Variants in BEND3 observed in about 807,000 individuals in gnomAD.
The protein encoded by BEND3 is BEN domain containing 3.
In BEND3, 13 loss-of-function variants were observed where a neutral mutation model predicts 60.1. The observed-to-expected ratio is 0.22, with a 90% confidence interval of 0.14 to 0.34. The LOEUF (loss-of-function observed/expected upper bound fraction) is 0.34, where lower values mean the gene tolerates loss of function less well. BEND3 is among the 10% of genes least tolerant of loss of function. BEND3 has a pLI of 1.00. For synonymous variants in BEND3, 497 were observed against 491.5 expected, an observed-to-expected ratio of 1.01 and a Z score of -0.15; for missense variants, 896 against 1,138.1, an observed-to-expected ratio of 0.79 and a Z score of 3.06.
At position 107,066,335 on chromosome 6, in the gene BEND3, T is replaced by C. The variant is rs552547688; in HGVS notation, c.*2369A>G. ...GACAGGGCAAGGACCTGCAGGCGTTTCCTGACGACAGTCCAGAGATGGTGA... is the reference window on the plus strand; with the variant it reads ...GACAGGGCAAGGACCTGCAGGCGTTCCCTGACGACAGTCCAGAGATGGTGA... On this transcript the variant is annotated 3_prime_UTR_variant, in exon 4 of 4. Coordinates refer to ENST00000369042, the MANE Select transcript of BEND3 (RefSeq NM_001367314.1). 7.9e-5 allele frequency: 12 copies of C among 152,532 alleles called. No homozygotes were observed. The highest frequency in any genetic ancestry group is 2.9e-4 in the African/African-American group (12 of 41,546). 9.4% of individuals were successfully genotyped at this position (152,532 alleles called of 1,614,324 possible). A position where few individuals can be genotyped will look rare whatever the true frequency, so the allele number is the denominator to read the frequency against.
intron 3 of BEND3, among the ~76,000 whole-genome samples, chr6:107,096,708 T>C (rs1775592879): frequency 6.6e-6 from 1 of 152,126 alleles, no homozygotes; most frequent in Non-Finnish European, 1.5e-5. Context: ...GCTGGAAAAG[T>C]AGGGAATGAG....
intron 3 of BEND3, among the ~76,000 whole-genome samples, chr6:107,074,823 C>T (rs1364403183): frequency 6.6e-6 from 1 of 152,102 alleles, no homozygotes; most frequent in Admixed American, 6.5e-5. Flanking sequence ...AGGGAGGAGC[C>T]GGGCACGGTG....
rs782364587 is a variant in BEND3, at chr6:107,070,358, A to T, written c.833T>A (p.Leu278His). 5.0e-6 allele frequency: 8 copies of T among 1,613,380 alleles called. No individual in the cohort carries two copies. In the African/African-American group the frequency reaches 6.7e-5, roughly 13 times the overall value. Residue 278 changes from leucine to histidine, a missense_variant, in exon 4 of 4, where the codon CTC becomes CAC. Transcript: ENST00000369042. The surrounding 1 kb of genome is among the most constrained non-coding windows in gnomAD (Gnocchi z 6.9). ...CCGGGAGAAGTCCACGTCGCTGAAG[A>T]GCTCGGGGAAGAGCTGCACCAGCAA... ...CRLLVQLFPELFSDVDFSRGC... is the reference protein window; with the variant it reads ...CRLLVQLFPEHFSDVDFSRGC...
At chr6:107,107,634 T>C (rs1329237715) in intron 1 of BEND3, among the ~76,000 whole-genome samples, 1 of 152,140 alleles carries the variant, frequency 6.6e-6, no homozygotes, top group Non-Finnish European at 1.5e-5. Flanking sequence ...GATTAATTTC[T>C]GTATTTTCAG....
At chr6:107,107,616 CCAT>C (rs1775847051) in intron 1 of BEND3, among the ~76,000 whole-genome samples, 1 of 152,124 alleles carries the variant, frequency 6.6e-6, no homozygotes, top group African/African-American at 2.4e-5. Flanking sequence ...GTGGGCACCA[CCAT>C]GCCTGATTAA....
Position 107,070,189 on chromosome 6 carries a change from G to C in BEND3, c.1002C>G (p.Asp334Glu). Residue 334 changes from aspartate (D) to glutamate (E), a missense_variant, in exon 4 of 4, where the codon GAC becomes GAG. Transcript: ENST00000369042. This position sits in a 1 kb window ranked among gnomAD's most constrained non-coding sequence, Gnocchi z 6.9. ...GCTGGGCCCAGAAGCGGCTGAAGAA[G>C]TCGTTCAGCTGGGGCAGGCACTCGG... ...WQAECLPQLN[D>E]FFSRFWAQRE... 6.2e-7 allele frequency: 1 copy of C among 1,612,862 alleles called. No individual in the cohort carries two copies. Among genetic ancestry groups the C allele is most frequent in the Non-Finnish European group, 8.5e-7 (1 of 1,179,910 alleles).
At chr6:107,080,680 G>A (rs539426641) in intron 3 of BEND3, among the ~76,000 whole-genome samples, 3 of 152,026 alleles carry the variant, frequency 2.0e-5, no homozygotes, top group South Asian at 4.2e-4. Context: ...TCAGGAGTTC[G>A]AGATCAGCCT....
chr6:107,076,780 G>T (rs899589224), intron 3 of BEND3, among the ~76,000 whole-genome samples: 1 of 152,082 alleles, frequency 6.6e-6, no homozygotes, highest in Non-Finnish European at 1.5e-5. Context: ...AATCACAGTC[G>T]CATGAATGAT....
intron 3 of BEND3, among the ~76,000 whole-genome samples, chr6:107,091,065 G>A (rs577363103): frequency 9.3e-5 from 14 of 151,242 alleles, no homozygotes; most frequent in South Asian, 4.2e-4. Context: ...AGCCAAGATC[G>A]CACCACTGCA....
At chr6:107,098,878 T>C in intron 2 of BEND3, 125 bp from the exon 3 acceptor site, 3 of 730,028 alleles carry the variant, frequency 4.1e-6, no homozygotes, top group Admixed American at 2.6e-5. Context: ...TAATGATGTC[T>C]AGTTGTAACA....
intron 3 of BEND3, among the ~76,000 whole-genome samples, chr6:107,097,758 CCAGCCTGGGCAAGAA>C (rs1182266559): frequency 4.6e-4 from 62 of 133,806 alleles, no homozygotes; most frequent in Non-Finnish European, 1.2e-4. Flanking sequence ...CCACTGCACT[CCAGCCTGGGCAAGAA>C]CAGCAAAACT....
At chr6:107,105,574 G>A (rs545893102) in intron 1 of BEND3, among the ~76,000 whole-genome samples, 1 of 152,244 alleles carries the variant, frequency 6.6e-6, no homozygotes, top group South Asian at 2.1e-4. Flanking sequence ...TTGCTGTGGA[G>A]AGAGCAGACA....
rs781977835 is a variant in BEND3, at chr6:107,068,955, G to A, written c.2236C>T (p.Arg746Cys). Reference protein sequence around the residue: ...VGNFAARLLVRLFPELFTAEN... With the variant: ...VGNFAARLLVCLFPELFTAEN... ...GCGGTGAAGAGTTCGGGAAACAGGC[G>A]GACGAGGAGCCGGGCGGCAAAGTTG... Residue 746 changes from arginine (R) to cysteine (C), a missense_variant, in exon 4 of 4, where the codon CGC (arginine) becomes TGC (cysteine). Around this residue, in one of 4 missense-constraint regions of BEND3, gnomAD observed 846 missense variants for 1,036.7 expected, o/e 0.82. Transcript: ENST00000369042. This position sits in a 1 kb window ranked among gnomAD's most constrained non-coding sequence, Gnocchi z 5.8. 4 of 1,613,916 alleles carry A rather than the reference G, an allele frequency of 2.5e-6. No individual in the cohort carries two copies. The highest frequency in any genetic ancestry group is 1.1e-5 in the South Asian group (1 of 91,084).
chr6:107,099,101 G>A (rs1164293893), intron 2 of BEND3, 148 bp downstream of exon 2: 3 of 668,070 alleles, frequency 4.5e-6, no homozygotes, highest in African/African-American at 3.6e-5. Flanking sequence ...GTGTGTGGGT[G>A]GAGGGGGATG....
chr6:107,107,873 G>C (rs1289596703), intron 1 of BEND3, among the ~76,000 whole-genome samples: 1 of 152,208 alleles, frequency 6.6e-6, no homozygotes, highest in Admixed American at 6.5e-5. Flanking sequence ...AAACTGGAGG[G>C]AGGGGGATGA....
At chr6:107,099,222 T>C (rs1554236453) in intron 2 of BEND3, 27 bp downstream of exon 2, 3 of 1,578,330 alleles carry the variant, frequency 1.9e-6, no homozygotes, top group Non-Finnish European at 2.6e-6. Context: ...TTAAAAACAT[T>C]TTTCAAAAAG....
At chr6:107,082,595 G>A (rs1554233677) in intron 3 of BEND3, among the ~76,000 whole-genome samples, 4 of 151,938 alleles carry the variant, frequency 2.6e-5, no homozygotes, top group South Asian at 2.1e-4. Context: ...CCACCACACC[G>A]GGCTAATTTT....
chr6:107,096,263 T>C (rs1227260114), intron 3 of BEND3, among the ~76,000 whole-genome samples: 1 of 152,196 alleles, frequency 6.6e-6, no homozygotes, highest in Non-Finnish European at 1.5e-5. Context: ...TTGAAAACAT[T>C]ATGCTAAGAA....
At chr6:107,088,060 A>G (rs1188313203) in intron 3 of BEND3, among the ~76,000 whole-genome samples, 1 of 149,816 alleles carries the variant, frequency 6.7e-6, no homozygotes, top group East Asian at 2.0e-4. Context: ...TGCCTGGCTG[A>G]AATACAGTGG....
Sources: gnomAD v4.1 joint callset for allele counts (sites outside exome capture counted in the v4.1 genomes callset) on GRCh38, gnomAD v4.1.1 for gene constraint, gnomAD v4.1.1 regional missense constraint, Gnocchi (gnomAD v3.1) non-coding constraint, MANE v1.5 for transcripts, NCBI Gene and HGNC (gene_info 2026-07-23, HGNC 2026-07-21) for gene names.